The following TCP11 variants were observed in gnomAD, a reference collection of about 807,000 sequenced individuals.
TCP11 encodes the protein T-complex protein 11 homolog.
A neutral mutation model predicts 45.0 loss-of-function variants in TCP11; 34 were observed. That is an observed-to-expected ratio of 0.76 (90% CI 0.57 to 1.01). The LOEUF is 1.01. Ranked by LOEUF, TCP11 falls within the 50% of genes least tolerant of loss-of-function variation. The pLI is 0.00. For synonymous variants in TCP11, 227 were observed against 227.0 expected (o/e 1.00, Z 0.00); for missense variants, 523 against 598.1 (o/e 0.87, Z 1.31).
intron 2 of TCP11, among the ~76,000 whole-genome samples, chr6:35,139,001 G>A (rs1294240979): frequency 2.6e-5 from 4 of 151,954 alleles, no homozygotes; most frequent in Admixed American, 1.3e-4. Context: ...CAGCCTGGCC[G>A]ACATGGTGAA....
At chr6:35,137,915 T>A (rs1456992224) in intron 2 of TCP11, 1 of 401,672 alleles carries the variant, frequency 2.5e-6, no homozygotes, top group Non-Finnish European at 4.9e-6. Flanking sequence ...TGTATAATTT[T>A]TCTATAGTAA....
chr6:35,120,414 C>T lies in TCP11; in HGVS notation c.933+15G>A. The T allele has an allele frequency of 1.3e-6, 2 of 1,588,494 alleles. No individual in the cohort carries two copies. Among genetic ancestry groups the T allele is most frequent in the South Asian group, 1.1e-5 (1 of 86,968 alleles). On this transcript the variant is annotated intron_variant, in intron 7 of 9. Coordinates refer to ENST00000311875, the MANE Select transcript of TCP11 (RefSeq NM_001370687.1). This position sits in a 1 kb window ranked among gnomAD's most constrained non-coding sequence, Gnocchi z 4.9. ...CCTGAACACAAAACAAGGCAATGCC[C>T]CCAGACATTCCTACCTCAGGGAACT...
At chr6:35,123,651 C>CTTTT (rs3045081) in intron 4 of TCP11, among the ~76,000 whole-genome samples, 1 of 128,030 alleles carries the variant, frequency 7.8e-6, no homozygotes, top group Non-Finnish European at 1.6e-5. Flanking sequence ...AGTTTTCTTT[C>CTTTT]TTTTTTTTTT....
intron 5 of TCP11, among the ~76,000 whole-genome samples, chr6:35,121,905 G>A (rs1363599666): frequency 6.6e-6 from 1 of 152,122 alleles, no homozygotes; most frequent in Non-Finnish European, 1.5e-5. Context: ...ATTACAGAGG[G>A]GGGGCCCAAT....
At chr6:35,137,669 A>C (rs1295555198) in intron 2 of TCP11, 1 of 380,580 alleles carries the variant, frequency 2.6e-6, no homozygotes, top group African/African-American at 2.1e-5. Flanking sequence ...ATTCACACAT[A>C]ATAGGTATAT....
intron 3 of TCP11, among the ~76,000 whole-genome samples, chr6:35,135,728 C>A (rs1781004804): frequency 6.6e-6 from 1 of 151,946 alleles, no homozygotes; most frequent in Admixed American, 6.6e-5. Context: ...TGAGACCCTG[C>A]CTCCAAAAAA....
At chr6:35,121,402 C>CT (rs34381181) in intron 5 of TCP11, among the ~76,000 whole-genome samples, 24,637 of 136,390 alleles carry the variant, frequency 0.18, 2,655 homozygotes, top group African/African-American at 0.29. Flanking sequence ...GGACCAACTG[C>CT]TTTTTTTTTT....
chr6:35,135,045 G>A (rs1780904974), intron 3 of TCP11, among the ~76,000 whole-genome samples: 1 of 151,986 alleles, frequency 6.6e-6, no homozygotes, highest in African/African-American at 2.4e-5. Context: ...TACTTGGGAG[G>A]CTGAGGCAGG....
chr6:35,119,685 A>T (rs1779014852), intron 8 of TCP11, among the ~76,000 whole-genome samples: 1 of 152,218 alleles, frequency 6.6e-6, no homozygotes, highest in African/African-American at 2.4e-5. Context: ...GTGCTCTTGG[A>T]TCCACTCAGC....
At chr6:35,123,486 A>G (rs1415580568) in intron 4 of TCP11, among the ~76,000 whole-genome samples, 1 of 151,880 alleles carries the variant, frequency 6.6e-6, no homozygotes, top group Non-Finnish European at 1.5e-5. Context: ...GGCCTTTTAT[A>G]ATATTTTTTT....
At chr6:35,127,613 T>C (rs1338114693) in intron 4 of TCP11, among the ~76,000 whole-genome samples, 1 of 152,274 alleles carries the variant, frequency 6.6e-6, no homozygotes, top group African/African-American at 2.4e-5. Context: ...CATTTTGTTC[T>C]TCCTCTTTCT....
intron 9 of TCP11, 115 bp from the exon 10 acceptor site, chr6:35,118,616 C>T (rs1778893057): frequency 3.4e-6 from 3 of 891,918 alleles, no homozygotes; most frequent in African/African-American, 1.7e-5. Flanking sequence ...CCAACCTGCC[C>T]CCCTACCTAG....
At chr6:35,141,135 C>G in intron 1 of TCP11, 70 bp downstream of exon 1, 1 of 1,317,844 alleles carries the variant, frequency 7.6e-7, no homozygotes, top group Non-Finnish European at 9.7e-7. Flanking sequence ...AAGGCCCCTT[C>G]CTTCGCGGCG....
At chr6:35,119,103 G>T in intron 9 of TCP11, 125 bp downstream of exon 9, 1 of 1,286,040 alleles carries the variant, frequency 7.8e-7, no homozygotes, top group Non-Finnish European at 1.1e-6. Context: ...CCAGCATTTT[G>T]AAAAAAATCA....
rs142993601 is a variant in TCP11, at chr6:35,141,212, TC to T, written c.-23del. On this transcript the variant is annotated 5_prime_UTR_variant, in exon 1 of 10. Transcript: ENST00000311875. ...CGGCTCCCAGGCCGTCACCTCCTCC[TC>T]CCCCGCCGCGGGTCATCCACTGGCG... 128,695 of 1,400,226 alleles carry T rather than the reference TC, an allele frequency of 0.092. 7,322 individuals are homozygous for T. Among genetic ancestry groups the T allele is most frequent in the East Asian group, 0.3 (9,797 of 32,638 alleles). 86.7% of individuals were successfully genotyped at this position (1,400,226 alleles called of 1,614,324 possible).
At position 35,140,856 on chromosome 6, in the gene TCP11, C is replaced by A. The variant is rs750735988; in HGVS notation, c.15G>T (p.Lys5Asn). 25 of 1,576,700 alleles carry A rather than the reference C, an allele frequency of 1.6e-5. No homozygotes were observed. The highest frequency in any genetic ancestry group is 2.1e-5 in the Non-Finnish European group (25 of 1,164,780). Reference protein sequence around the residue: MPDVKESVPPKYPGD... With the variant: MPDVNESVPPKYPGD... ...CAGGATATTTCGGGGGCACACTCTC[C>A]TTGACGTCTGGCATTTTGCTGATGG... Residue 5 changes from lysine to asparagine, a missense_variant, in exon 2 of 10, where the codon AAG becomes AAT. Lys to Asn is a moderately conservative substitution (Grantham distance 94). Coordinates refer to ENST00000311875, the MANE Select transcript of TCP11 (RefSeq NM_001370687.1).
At position 35,118,232 on chromosome 6, in the gene TCP11, C is replaced by T. The variant is rs371094602; in HGVS notation, c.*37G>A. Reference sequence around the variant, plus strand: ...ACTCCAGGAAGATGATGGGCCTCCTCTTGGGTCCAAGGTACCAGGGCTCTG... The same window carrying T: ...ACTCCAGGAAGATGATGGGCCTCCTTTTGGGTCCAAGGTACCAGGGCTCTG... On this transcript the variant is annotated 3_prime_UTR_variant, in exon 10 of 10. Coordinates refer to ENST00000311875, the MANE Select transcript of TCP11 (RefSeq NM_001370687.1). The T allele has an allele frequency of 2.3e-4, 358 of 1,573,638 alleles. 6 individuals carry two copies. The South Asian group carries it at 3.8e-3, about 17-fold the overall frequency.
chr6:35,135,467 C>G (rs917545425), intron 3 of TCP11, among the ~76,000 whole-genome samples: 1 of 151,988 alleles, frequency 6.6e-6, no homozygotes, highest in African/African-American at 2.4e-5. Context: ...GCCCATATCT[C>G]TCATCCACAG....
chr6:35,119,031 T>C (rs1285386472), intron 9 of TCP11, among the ~76,000 whole-genome samples, 197 bp downstream of exon 9: 1 of 152,244 alleles, frequency 6.6e-6, no homozygotes, highest in Non-Finnish European at 1.5e-5. Flanking sequence ...CATGAATTTC[T>C]GGGTGCAAAT....
Sources: gnomAD v4.1 joint callset for allele counts (sites outside exome capture counted in the v4.1 genomes callset) on GRCh38, gnomAD v4.1.1 for gene constraint, Gnocchi (gnomAD v3.1) non-coding constraint, MANE v1.5 for transcripts, NCBI Gene and HGNC (gene_info 2026-07-23, HGNC 2026-07-21) for gene names.